HDAC4: variants seen among roughly 807,000 people sequenced by gnomAD.
HDAC4 encodes the protein histone deacetylase 4.
A neutral mutation model predicts 135.1 loss-of-function variants in HDAC4; 16 were observed. The ratio of observed to expected loss-of-function variants is 0.12; its 90% CI spans 0.08 to 0.18. The LOEUF is 0.18. Ranked by LOEUF, HDAC4 falls within the 10% of genes least tolerant of loss-of-function variation. HDAC4 has a pLI of 1.00. For missense variants in HDAC4, 1,143 were observed against 1,511.8 expected, an observed-to-expected ratio of 0.76 and a Z score of 4.05; for synonymous variants, 685 against 653.4, an observed-to-expected ratio of 1.05 and a Z score of -0.74.
chr2:239,219,731 C>T (rs2046844941), intron 3 of HDAC4, among the ~76,000 whole-genome samples: 1 of 152,274 alleles, frequency 6.6e-6, no homozygotes, highest in South Asian at 2.1e-4. Flanking sequence ...TTGAAATGTG[C>T]AATCGAGATA....
intron 5 of HDAC4, among the ~76,000 whole-genome samples, chr2:239,173,418 A>G (rs373569333): frequency 5.9e-5 from 9 of 152,238 alleles, no homozygotes; most frequent in African/African-American, 2.2e-4. Flanking sequence ...CAATCATCTC[A>G]AAAGATGCTG....
intron 8 of HDAC4, among the ~76,000 whole-genome samples, 197 bp downstream of exon 8, chr2:239,144,386 G>A (rs951804520): frequency 4.6e-5 from 7 of 152,124 alleles, no homozygotes; most frequent in African/African-American, 1.4e-4. Context: ...AGCAGGGCCC[G>A]GCTTAGACAT....
chr2:239,224,283 C>T (rs556050903), intron 3 of HDAC4, among the ~76,000 whole-genome samples: 5 of 152,346 alleles, frequency 3.3e-5, no homozygotes, highest in African/African-American at 9.6e-5. Context: ...TGAGCCCCAT[C>T]CACTGCCTGG....
At chr2:239,132,126 C>G (rs2040629264) in intron 11 of HDAC4, among the ~76,000 whole-genome samples, 2 of 152,108 alleles carry the variant, frequency 1.3e-5, no homozygotes, top group African/African-American at 4.8e-5. Flanking sequence ...AGGTTAAGAA[C>G]AAGGCAATGA....
intron 2 of HDAC4, among the ~76,000 whole-genome samples, chr2:239,272,446 G>A (rs1313531881): frequency 6.6e-6 from 1 of 152,142 alleles, no homozygotes; most frequent in African/African-American, 2.4e-5. Flanking sequence ...AATATAAAGG[G>A]CCAGACAACT....
intron 3 of HDAC4, among the ~76,000 whole-genome samples, chr2:239,214,173 GCTT>G (rs1243626012): frequency 3.3e-5 from 5 of 152,212 alleles, no homozygotes; most frequent in African/African-American, 1.2e-4. Flanking sequence ...GCAGGGCTGT[GCTT>G]CTTCTGCAGG....
intron 3 of HDAC4, among the ~76,000 whole-genome samples, chr2:239,206,019 A>G (rs146989857): frequency 7.7e-4 from 118 of 152,314 alleles, no homozygotes; most frequent in African/African-American, 2.7e-3. Flanking sequence ...AGAAAGAAAT[A>G]ATTTGTTGGA....
chr2:239,296,323 T>A (rs115288015), intron 2 of HDAC4, among the ~76,000 whole-genome samples: 201 of 152,362 alleles, frequency 1.3e-3, no homozygotes, highest in African/African-American at 4.7e-3. Flanking sequence ...AGGAGGCCAA[T>A]ACCCGCCTGG....
intron 12 of HDAC4, among the ~76,000 whole-genome samples, chr2:239,119,563 G>A (rs561390441): frequency 7.3e-5 from 11 of 151,312 alleles, no homozygotes; most frequent in African/African-American, 1.9e-4. Flanking sequence ...GGCTGAGGGC[G>A]CGGGAACTGG....
At chr2:239,330,281 C>A (rs772828061) in intron 2 of HDAC4, among the ~76,000 whole-genome samples, 6 of 152,268 alleles carry the variant, frequency 3.9e-5, no homozygotes, top group Non-Finnish European at 8.8e-5. Context: ...GGAGGTCCAA[C>A]CAGGCCCCAG....
chr2:239,087,734 C>T (rs567941617), intron 18 of HDAC4, 120 bp from the exon 19 acceptor site: 91 of 926,620 alleles, frequency 9.8e-5, no homozygotes, highest in Non-Finnish European at 1.4e-4. Flanking sequence ...CAGTTTCTTG[C>T]TGCACCCTGG....
At chr2:239,381,450 AG>A (rs1695408654) in intron 1 of HDAC4, among the ~76,000 whole-genome samples, 3 of 152,220 alleles carry the variant, frequency 2.0e-5, no homozygotes, top group Admixed American at 1.3e-4. Flanking sequence ...AAAGGAGAGG[AG>A]AAAGGTACAT....
At chr2:239,314,261 G>A (rs539505850) in intron 2 of HDAC4, among the ~76,000 whole-genome samples, 5 of 152,304 alleles carry the variant, frequency 3.3e-5, no homozygotes, top group Middle Eastern at 3.4e-3. Context: ...CATGGGTAGC[G>A]GGAGTAAGTC....
intron 11 of HDAC4, among the ~76,000 whole-genome samples, chr2:239,128,733 T>C (rs1559482144): frequency 6.6e-6 from 1 of 152,122 alleles, no homozygotes; most frequent in African/African-American, 2.4e-5. Flanking sequence ...AGCGTTGTTT[T>C]CCCCCAAAGC....
In HDAC4 at chr2:239,068,671, C is replaced by T. The variant is rs2033838010; in HGVS notation, c.2751-64G>A. ...AAGAGGGACGGGACGGTCACAAAAC[C>T]CCAAGGTTCCCTCTGGCATTGATAA... is the stretch of plus-strand genomic sequence containing the variant. On this transcript the variant is annotated intron_variant, in intron 22 of 26. Coordinates refer to ENST00000543185, the MANE Select transcript of HDAC4 (RefSeq NM_001378414.1). This position sits in a 1 kb window ranked among gnomAD's most constrained non-coding sequence, Gnocchi z 4.4. 2.9e-6 allele frequency: 4 copies of T among 1,383,890 alleles called. No individual in the cohort carries two copies. Among genetic ancestry groups the T allele is most frequent in the Non-Finnish European group, 3.1e-6 (3 of 971,372 alleles). 85.7% of individuals were successfully genotyped at this position (1,383,890 alleles called of 1,614,324 possible). A position where few individuals can be genotyped will look rare whatever the true frequency, so the allele number is the denominator to read the frequency against.
intron 2 of HDAC4, among the ~76,000 whole-genome samples, chr2:239,255,377 T>G (rs767176974): frequency 6.6e-6 from 1 of 152,048 alleles, no homozygotes; most frequent in Non-Finnish European, 1.5e-5. Flanking sequence ...AAGAACAACA[T>G]AGACCTTAAA....
chr2:239,081,475 A>G (rs572649903), intron 21 of HDAC4, among the ~76,000 whole-genome samples: 1 of 152,178 alleles, frequency 6.6e-6, no homozygotes, highest in African/African-American at 2.4e-5. Flanking sequence ...ATTTCTGCGG[A>G]CCCGCCGCCC....
intron 2 of HDAC4, among the ~76,000 whole-genome samples, chr2:239,330,709 T>A (rs556716830): frequency 6.6e-6 from 1 of 152,354 alleles, no homozygotes; most frequent in African/African-American, 2.4e-5. Flanking sequence ...AGGCCTGGCC[T>A]TCTACAGGGA....
intron 2 of HDAC4, among the ~76,000 whole-genome samples, chr2:239,296,791 C>T (rs768160605): frequency 4.6e-5 from 7 of 152,018 alleles, no homozygotes; most frequent in Non-Finnish European, 7.4e-5. Context: ...CACCTCCGCC[C>T]GGGAGATTCT....
Sources: allele counts gnomAD v4.1 joint callset (sites outside exome capture counted in the v4.1 genomes callset), GRCh38; gene constraint gnomAD v4.1.1; non-coding constraint Gnocchi (gnomAD v3.1); transcripts MANE v1.5; gene names NCBI Gene and HGNC (gene_info 2026-07-23, HGNC 2026-07-21).